PLCB1: variants seen among roughly 807,000 people sequenced by gnomAD.
PLCB1 encodes 1-phosphatidylinositol 4,5-bisphosphate phosphodiesterase beta-1.
Under a neutral mutation model 161.8 loss-of-function variants are expected in PLCB1, and 46 were observed. That is an observed-to-expected ratio of 0.28 (90% confidence interval 0.22 to 0.36). PLCB1 has a LOEUF of 0.36. Ranked by LOEUF, PLCB1 falls within the 10% of genes least tolerant of loss-of-function variation. The pLI, the probability that PLCB1 is intolerant of heterozygous loss-of-function variation, is 1.00. For missense variants in PLCB1, 1,016 were observed against 1,472.5 expected, an observed-to-expected ratio of 0.69 and a Z score of 5.07; for synonymous variants, 517 against 503.7, an observed-to-expected ratio of 1.03 and a Z score of -0.35.
chr20:8,319,487 C>T (rs1248795490), intron 2 of PLCB1, among the ~76,000 whole-genome samples: 1 of 151,536 alleles, frequency 6.6e-6, no homozygotes. Context: ...GACCTAGGCT[C>T]AGCATGACAC....
chr20:8,750,933 C>A, intron 23 of PLCB1: 30 of 411,332 alleles, frequency 7.3e-5, no homozygotes, highest in Middle Eastern at 9.4e-4. Context: ...GAACTGCACT[C>A]TTTTTTTTTT....
At chr20:8,277,809 A>G (rs1249527139) in intron 2 of PLCB1, among the ~76,000 whole-genome samples, 1 of 152,126 alleles carries the variant, frequency 6.6e-6, no homozygotes, top group Non-Finnish European at 1.5e-5. Context: ...CTACAACCCA[A>G]TACCAATGTT....
At chr20:8,424,810 A>G (rs1979680590) in intron 3 of PLCB1, among the ~76,000 whole-genome samples, 1 of 152,136 alleles carries the variant, frequency 6.6e-6, no homozygotes, top group Non-Finnish European at 1.5e-5. Context: ...TAGCAGAGCA[A>G]AGAAAGAATG....
intron 3 of PLCB1, among the ~76,000 whole-genome samples, chr20:8,389,115 A>G (rs1796500702): frequency 6.6e-6 from 1 of 152,132 alleles, no homozygotes; most frequent in African/African-American, 2.4e-5. Flanking sequence ...AAAGCTTTTT[A>G]CTTTAAAAAA....
intron 9 of PLCB1, among the ~76,000 whole-genome samples, chr20:8,682,161 G>A (rs1990238033): frequency 6.6e-6 from 1 of 152,160 alleles, no homozygotes; most frequent in South Asian, 2.1e-4. Context: ...AGGGGAGAAG[G>A]AAAGGAAATA....
At chr20:8,761,526 G>T (rs1250419299) in intron 25 of PLCB1, among the ~76,000 whole-genome samples, 1 of 152,142 alleles carries the variant, frequency 6.6e-6, no homozygotes, top group African/African-American at 2.4e-5. Context: ...GTTTGGTTTT[G>T]TTTTGTTTTT....
intron 2 of PLCB1, among the ~76,000 whole-genome samples, chr20:8,316,665 C>T (rs570400999): frequency 2.6e-5 from 4 of 152,220 alleles, no homozygotes; most frequent in East Asian, 3.9e-4. Context: ...CCCCTATCTC[C>T]GGGTTTACTT....
At chr20:8,666,212 CCTT>C (rs1406045216) in intron 9 of PLCB1, among the ~76,000 whole-genome samples, 5 of 152,308 alleles carry the variant, frequency 3.3e-5, no homozygotes, top group African/African-American at 1.2e-4. Context: ...ATACCCTTCT[CCTT>C]CTTAGCTGCC....
At chr20:8,551,486 G>A (rs942062546) in intron 3 of PLCB1, among the ~76,000 whole-genome samples, 1 of 152,170 alleles carries the variant, frequency 6.6e-6, no homozygotes, top group Non-Finnish European at 1.5e-5. Context: ...TCTTCGAAGG[G>A]TGTGACCTTT....
intron 3 of PLCB1, among the ~76,000 whole-genome samples, chr20:8,518,174 C>T (rs1462082708): frequency 6.9e-6 from 1 of 145,186 alleles, no homozygotes; most frequent in African/African-American, 2.6e-5. Flanking sequence ...GAGGGAGACT[C>T]TGTCTCAAAA....
chr20:8,477,371 C>A (rs149859813), intron 3 of PLCB1, among the ~76,000 whole-genome samples: 4 of 152,066 alleles, frequency 2.6e-5, no homozygotes, highest in Admixed American at 2.6e-4. Context: ...CAAAGGAAGA[C>A]GGGCAGACAT....
At chr20:8,741,653 A>G in intron 23 of PLCB1, 80 bp downstream of exon 23, 1 of 835,552 alleles carries the variant, frequency 1.2e-6, no homozygotes, top group Non-Finnish European at 2.0e-6. Context: ...AAGTAATATC[A>G]CATACCTTGG....
In PLCB1 at chr20:8,838,874, A is replaced by T. The variant is rs1004616056; in HGVS notation, c.3424-42748A>T. ...CTTGAGCTATTCCCTGGTACTTGGTATGCAGTTATTGATCTGGCAAATGCC... is the reference window on the plus strand; with the variant it reads ...CTTGAGCTATTCCCTGGTACTTGGTTTGCAGTTATTGATCTGGCAAATGCC... On this transcript the variant is annotated intron_variant, in intron 31 of 31. Transcript: ENST00000338037. Among the ~76,000 whole-genome samples, 17 of 152,220 alleles carry T rather than the reference A, an allele frequency of 1.1e-4. 1 individual carries two copies. Among genetic ancestry groups the T allele is most frequent in the Admixed American group, 9.8e-4 (15 of 15,290 alleles).
At chr20:8,247,871 C>G (rs1476030695) in intron 2 of PLCB1, among the ~76,000 whole-genome samples, 1 of 151,956 alleles carries the variant, frequency 6.6e-6, no homozygotes, top group Non-Finnish European at 1.5e-5. Context: ...CTATATTACC[C>G]TTGGGTAAGA....
intron 3 of PLCB1, among the ~76,000 whole-genome samples, chr20:8,618,033 A>G (rs1159678941): frequency 1.3e-5 from 2 of 152,170 alleles, no homozygotes; most frequent in Admixed American, 1.3e-4. Flanking sequence ...TGGCATTATA[A>G]TTCATTTCAA....
intron 31 of PLCB1, chr20:8,802,182 G>A (rs770018799): frequency 4.6e-5 from 66 of 1,442,938 alleles, no homozygotes; most frequent in Non-Finnish European, 6.2e-5. Context: ...AGGTAGGACT[G>A]GATGGGAGGG....
At chr20:8,159,767 C>T (rs570838980) in intron 2 of PLCB1, among the ~76,000 whole-genome samples, 46 of 151,996 alleles carry the variant, frequency 3.0e-4, no homozygotes, top group Admixed American at 6.6e-4. Flanking sequence ...TTGGGTGGAT[C>T]ACCTGAGGTT....
chr20:8,881,753 C>T lies in PLCB1; in HGVS notation c.3555C>T (p.Ser1185=). 6.2e-7 allele frequency: 1 copy of T among 1,614,036 alleles called. No individual in the cohort carries two copies. Residue 1185 remains serine, a synonymous_variant, in exon 32 of 32, where the codon TCC becomes TCT. Coordinates refer to ENST00000338037, the MANE Select transcript of PLCB1 (RefSeq NM_015192.4). ...GCAATCACGGTTCTGCCCCTCTCTC[C>T]CTGTCCTCAGACCCTGGAAAAGTGA... The part of the protein sequence containing the change: ...EDSNHGSAPL[S]LSSDPGKVNH...
At chr20:8,148,063 A>C (rs192459843) in intron 1 of PLCB1, among the ~76,000 whole-genome samples, 34 of 152,166 alleles carry the variant, frequency 2.2e-4, no homozygotes, top group African/African-American at 6.0e-4. Context: ...AATCGCCACC[A>C]AGATTTTGAT....
Sources: allele counts gnomAD v4.1 joint callset (sites outside exome capture counted in the v4.1 genomes callset), GRCh38; gene constraint gnomAD v4.1.1; transcripts MANE v1.5; gene names NCBI Gene and HGNC (gene_info 2026-07-23, HGNC 2026-07-21).